MRTFB: variants seen among roughly 807,000 people sequenced by gnomAD.
MRTFB encodes the protein myocardin related transcription factor B.
Under a neutral mutation model 104.2 loss-of-function variants are expected in MRTFB, and 29 were observed. The ratio of observed to expected loss-of-function variants is 0.28; its 90% confidence interval spans 0.21 to 0.38. MRTFB has a LOEUF of 0.38. MRTFB is among the 10% of genes least tolerant of loss of function. The pLI is 1.00. For missense variants in MRTFB, 1,270 were observed against 1,341.6 expected, an observed-to-expected ratio of 0.95 and a Z score of 0.83; for synonymous variants, 535 against 519.5, an observed-to-expected ratio of 1.03 and a Z score of -0.41.
At chr16:14,195,657 C>A in intron 3 of MRTFB, 1 of 682,790 alleles carries the variant, frequency 1.5e-6, no homozygotes, top group Non-Finnish European at 1.8e-6. Flanking sequence ...AGAGAGCCCA[C>A]CTTACGCATT....
chr16:14,016,320 GA>G, the MRTFB span, among the ~76,000 whole-genome samples: 212 of 143,578 alleles, frequency 1.5e-3, no homozygotes, highest in South Asian at 5.9e-3. Context: ...CTCCCAGTCA[GA>G]AAAAAAAAAA....
the MRTFB span, among the ~76,000 whole-genome samples, chr16:14,032,274 C>A: frequency 6.6e-6 from 1 of 152,224 alleles, no homozygotes; most frequent in African/African-American, 2.4e-5. Context: ...ATGGCCAATG[C>A]TTTCATCCAT....
the MRTFB span, among the ~76,000 whole-genome samples, chr16:14,000,261 C>T: frequency 1.3e-5 from 2 of 152,262 alleles, no homozygotes; most frequent in African/African-American, 4.8e-5. Flanking sequence ...CGGGTCACCC[C>T]TTGGACTGCC....
At chr16:14,235,175 G>C (rs2042441441) in intron 9 of MRTFB, among the ~76,000 whole-genome samples, 1 of 152,160 alleles carries the variant, frequency 6.6e-6, no homozygotes, top group East Asian at 1.9e-4. Flanking sequence ...TGAACACAAT[G>C]CATATTCCTC....
At chr16:14,047,061 G>A in the MRTFB span, among the ~76,000 whole-genome samples, 2 of 152,168 alleles carry the variant, frequency 1.3e-5, no homozygotes, top group South Asian at 2.1e-4. Flanking sequence ...TAAGACAGAC[G>A]TGAATTCCTG....
At position 14,192,175 on chromosome 16, in the gene MRTFB, C is replaced by T. The variant is rs996135784; in HGVS notation, c.155-18068C>T. ...TCACTTGAGCCCAGGAGTTTAAGAC[C>T]AGCCTAGGCAACATAGCAAGACTCC... On this transcript the variant is annotated intron_variant, in intron 3 of 16. Coordinates refer to ENST00000571589, the MANE Select transcript of MRTFB (RefSeq NM_001308142.2). Among the ~76,000 whole-genome samples the T allele has an allele frequency of 2.0e-5, 3 of 150,364 alleles. No homozygotes were observed. In the South Asian group the frequency reaches 6.4e-4, roughly 32 times the overall value.
intron 2 of MRTFB, among the ~76,000 whole-genome samples, chr16:14,080,694 C>T (rs1324982463): frequency 6.6e-6 from 1 of 152,154 alleles, no homozygotes; most frequent in Non-Finnish European, 1.5e-5. Flanking sequence ...AACCATCATT[C>T]TACTCTCTTC....
chr16:14,112,919 C>T (rs559067976), intron 2 of MRTFB, among the ~76,000 whole-genome samples: 18 of 152,160 alleles, frequency 1.2e-4, no homozygotes, highest in Non-Finnish European at 2.5e-4. Context: ...CCTTTTCCTG[C>T]CTTAGTTTGT....
At chr16:14,114,664 G>GTT (rs1316169191) in intron 2 of MRTFB, among the ~76,000 whole-genome samples, 1 of 152,054 alleles carries the variant, frequency 6.6e-6, no homozygotes, top group African/African-American at 2.4e-5. Context: ...CCTCTCTGTA[G>GTT]TTTTTTTGGA....
the MRTFB span, among the ~76,000 whole-genome samples, chr16:14,001,294 G>A: frequency 2.6e-5 from 4 of 152,192 alleles, no homozygotes; most frequent in South Asian, 2.1e-4. Context: ...GGATGGAACC[G>A]ATACCATCAG....
chr16:14,238,335 G>GA (rs2042614212), intron 9 of MRTFB, among the ~76,000 whole-genome samples: 1 of 152,112 alleles, frequency 6.6e-6, no homozygotes, highest in Non-Finnish European at 1.5e-5. Context: ...CAAAGGGGGG[G>GA]ACTGTGCAAG....
At chr16:14,101,427 A>T in intron 2 of MRTFB, among the ~76,000 whole-genome samples, 1 of 152,140 alleles carries the variant, frequency 6.6e-6, no homozygotes, top group Non-Finnish European at 1.5e-5. Flanking sequence ...AATTCTATGG[A>T]TAAATCTATC....
At chr16:14,030,819 T>C in the MRTFB span, among the ~76,000 whole-genome samples, 1 of 152,104 alleles carries the variant, frequency 6.6e-6, no homozygotes, top group Non-Finnish European at 1.5e-5. Context: ...TTATCCAAGG[T>C]TATGTCATGG....
intron 2 of MRTFB, among the ~76,000 whole-genome samples, chr16:14,131,075 T>C (rs2142427963): frequency 6.6e-6 from 1 of 152,202 alleles, no homozygotes; most frequent in East Asian, 1.9e-4. Context: ...AGCTTATATA[T>C]GGGGAATTAA....
At position 14,187,057 on chromosome 16, in the gene MRTFB, G is replaced by A. The variant is rs773492999; in HGVS notation, c.155-23186G>A. 4.4e-6 allele frequency: 7 copies of A among 1,578,964 alleles called. No homozygotes were observed. The Admixed American group carries it at 1.1e-4, about 24-fold the overall frequency. ...GAAGGTCAGTCTGTCTGTGGACAGGGGCAAAACTGCCAAATTCATATTCTG... is the reference window on the plus strand; with the variant it reads ...GAAGGTCAGTCTGTCTGTGGACAGGAGCAAAACTGCCAAATTCATATTCTG... On this transcript the variant is annotated intron_variant, in intron 3 of 16. Coordinates refer to ENST00000571589, the MANE Select transcript of MRTFB (RefSeq NM_001308142.2).
the MRTFB span, chr16:14,009,916 C>G: frequency 1.3e-5 from 2 of 152,346 alleles, no homozygotes; most frequent in Middle Eastern, 3.4e-3. Flanking sequence ...CACGACTCCC[C>G]CTTCCACCCC....
intron 2 of MRTFB, among the ~76,000 whole-genome samples, chr16:14,122,869 G>A (rs1282017786): frequency 1.3e-5 from 2 of 152,202 alleles, no homozygotes; most frequent in African/African-American, 4.8e-5. Context: ...TCACCACACT[G>A]TCTTCGACAA....
intron 2 of MRTFB, among the ~76,000 whole-genome samples, chr16:14,139,086 A>G (rs565444632): frequency 1.1e-3 from 168 of 152,364 alleles, no homozygotes; most frequent in African/African-American, 3.7e-3. Flanking sequence ...AGTGGATTTC[A>G]TCAAATTAAA....
In MRTFB at chr16:14,246,627, C is replaced by T; in HGVS notation, c.1367C>T (p.Thr456Ile). 1 of 1,614,162 alleles carries T rather than the reference C, an allele frequency of 6.2e-7. No individual in the cohort carries two copies. The highest frequency in any genetic ancestry group is 8.5e-7 in the Non-Finnish European group (1 of 1,180,030). ...GCAGTGTCATCATCAGCCATTGTCA[C>T]CAGTAACCCAGAAGTCACTGTGGCC... ...IVAVSSSAIVTSNPEVTVALP... is the reference protein window; with the variant it reads ...IVAVSSSAIVISNPEVTVALP... The change falls in exon 12 of 17, where the codon ACC becomes ATC. Residue 456 changes from threonine (T) to isoleucine (I), a missense_variant. Physicochemically the swap from Thr to Ile is moderately conservative, Grantham distance 89 (BLOSUM62 -1). Coordinates refer to ENST00000571589, the MANE Select transcript of MRTFB (RefSeq NM_001308142.2).
Sources: allele counts gnomAD v4.1 joint callset (sites outside exome capture counted in the v4.1 genomes callset), GRCh38; gene constraint gnomAD v4.1.1; transcripts MANE v1.5; gene names NCBI Gene and HGNC (gene_info 2026-07-23, HGNC 2026-07-21).